C12orf42: variants seen among roughly 807,000 people sequenced by gnomAD.
C12orf42 encodes uncharacterized protein C12orf42.
C12orf42 carries 25 observed loss-of-function variants against 21.6 expected under a neutral mutation model. That is an observed-to-expected ratio of 1.16 (90% CI 0.84 to 1.62). The LOEUF (loss-of-function observed/expected upper bound fraction) is 1.62. Ranked by LOEUF, C12orf42 falls within the 40% of genes most tolerant of loss-of-function variation. C12orf42 has a pLI of 0.00. For synonymous variants in C12orf42, 174 were observed against 175.0 expected, an observed-to-expected ratio of 0.99 and a Z score of 0.05; for missense variants, 483 against 459.3, an observed-to-expected ratio of 1.05 and a Z score of -0.47.
chr12:103,336,803 G>A (rs2041738788), intron 4 of C12orf42, among the ~76,000 whole-genome samples: 1 of 152,160 alleles, frequency 6.6e-6, no homozygotes, highest in African/African-American at 2.4e-5. Flanking sequence ...TAGGCAGCTT[G>A]AAGTGGCTCC....
chr12:103,210,643 T>TTTTTC, the C12orf42 span, among the ~76,000 whole-genome samples: 1 of 148,150 alleles, frequency 6.7e-6, no homozygotes, highest in Admixed American at 6.7e-5. Flanking sequence ...CTATTTCTTT[T>TTTTTC]TTTTTTTTTT....
At chr12:103,525,601 G>T in the C12orf42 span, among the ~76,000 whole-genome samples, 146 of 152,114 alleles carry the variant, frequency 9.6e-4, 2 homozygotes, top group East Asian at 0.014. Context: ...ATAATTAATT[G>T]TAGTAACCCC....
chr12:103,452,963 C>T (rs555260146), intron 2 of C12orf42, among the ~76,000 whole-genome samples: 104 of 151,742 alleles, frequency 6.9e-4, no homozygotes, highest in African/African-American at 2.4e-3. Flanking sequence ...CAACATGGCA[C>T]ATGTATACAT....
At chr12:103,074,530 AG>A in the C12orf42 span, among the ~76,000 whole-genome samples, 1 of 152,164 alleles carries the variant, frequency 6.6e-6, no homozygotes, top group Non-Finnish European at 1.5e-5. Flanking sequence ...GTGCAAAGAT[AG>A]GGCACCCCTC....
intron 4 of C12orf42, among the ~76,000 whole-genome samples, chr12:103,348,348 T>C (rs1256984254): frequency 6.6e-6 from 1 of 152,162 alleles, no homozygotes; most frequent in Non-Finnish European, 1.5e-5. Flanking sequence ...GATCCTACCT[T>C]ATTGTGGGAG....
At chr12:103,109,961 T>C in the C12orf42 span, among the ~76,000 whole-genome samples, 3 of 152,160 alleles carry the variant, frequency 2.0e-5, no homozygotes, top group African/African-American at 7.2e-5. Context: ...AAAATTTCAG[T>C]AAAGCAACAG....
chr12:103,442,293 C>A (rs1363839839), intron 2 of C12orf42, among the ~76,000 whole-genome samples: 2 of 152,074 alleles, frequency 1.3e-5, no homozygotes, highest in Admixed American at 1.3e-4. Flanking sequence ...AAGCAAGGAG[C>A]GATACGATTG....
the C12orf42 span, among the ~76,000 whole-genome samples, chr12:103,157,543 C>T: frequency 6.6e-6 from 1 of 152,178 alleles, no homozygotes; most frequent in Non-Finnish European, 1.5e-5. Flanking sequence ...AGTCTTTGCC[C>T]ATGCCTATGT....
chr12:103,068,931 CCACATATATATA>C, the C12orf42 span, among the ~76,000 whole-genome samples: 3 of 47,048 alleles, frequency 6.4e-5, no homozygotes, highest in African/African-American at 8.1e-5. Context: ...ATCTCTCTCT[CCACATATATATA>C]TATATATATA....
chr12:103,505,854 G>A, the C12orf42 span: 5 of 175,346 alleles, frequency 2.9e-5, no homozygotes, highest in South Asian at 1.3e-4. Context: ...AAAGCACCAC[G>A]GGCCTTGTGG....
chr12:103,333,629 C>T (rs955533325), intron 4 of C12orf42, among the ~76,000 whole-genome samples: 2 of 152,106 alleles, frequency 1.3e-5, no homozygotes, highest in African/African-American at 4.8e-5. Context: ...AAACTCAGAA[C>T]ATCACATCCA....
chr12:103,236,580 C>T (rs75601791), downstream of C12orf42, among the ~76,000 whole-genome samples: 3 of 152,310 alleles, frequency 2.0e-5, no homozygotes, highest in Non-Finnish European at 2.9e-5. Context: ...CTCAGCAAGA[C>T]ACATGGAGGG....
At chr12:103,515,307 G>A in the C12orf42 span, among the ~76,000 whole-genome samples, 6 of 152,182 alleles carry the variant, frequency 3.9e-5, no homozygotes, top group Non-Finnish European at 8.8e-5. Flanking sequence ...GTAAAAAAAT[G>A]CATAGTGACC....
At chr12:103,245,178 T>C (rs1156895836) in intron 10 of C12orf42, among the ~76,000 whole-genome samples, 1 of 152,116 alleles carries the variant, frequency 6.6e-6, no homozygotes, top group Non-Finnish European at 1.5e-5. Flanking sequence ...TACTATTATG[T>C]TGAGTTAAGA....
At chr12:103,230,204 C>T in the C12orf42 span, among the ~76,000 whole-genome samples, 7 of 151,348 alleles carry the variant, frequency 4.6e-5, no homozygotes, top group Admixed American at 1.3e-4. Context: ...TTGGTTTTCA[C>T]ATGGCCACAA....
the C12orf42 span, among the ~76,000 whole-genome samples, chr12:103,057,371 GC>G: frequency 6.6e-6 from 1 of 151,896 alleles, no homozygotes; most frequent in Non-Finnish European, 1.5e-5. Context: ...CTCCCAACAG[GC>G]CCTGGTGTGT....
chr12:103,516,011 T>C, the C12orf42 span, among the ~76,000 whole-genome samples: 4 of 152,212 alleles, frequency 2.6e-5, no homozygotes, highest in African/African-American at 4.8e-5. Context: ...TATAGAGATA[T>C]GATGCAGTAT....
intron 3 of C12orf42, among the ~76,000 whole-genome samples, chr12:103,390,621 T>G (rs562896952): frequency 6.6e-6 from 1 of 152,332 alleles, no homozygotes; most frequent in African/African-American, 2.4e-5. Flanking sequence ...AGTCCCTTGA[T>G]CTGCTGTCTA....
At chr12:103,417,074 G>A (rs1242987484) in intron 2 of C12orf42, among the ~76,000 whole-genome samples, 2 of 151,738 alleles carry the variant, frequency 1.3e-5, no homozygotes, top group Non-Finnish European at 2.9e-5. Context: ...GAGTTTGTTT[G>A]AATACATAAA....
Sources: gnomAD v4.1 joint callset for allele counts (sites outside exome capture counted in the v4.1 genomes callset) on GRCh38, gnomAD v4.1.1 for gene constraint, MANE v1.5 for transcripts, NCBI Gene and HGNC (gene_info 2026-07-23, HGNC 2026-07-21) for gene names.